SLC13A3: variants seen among roughly 807,000 people sequenced by gnomAD.
SLC13A3 encodes the protein solute carrier family 13 member 3.
SLC13A3 carries 40 observed loss-of-function variants against 59.0 expected under a neutral mutation model. The ratio of observed to expected loss-of-function variants is 0.68; its 90% CI spans 0.53 to 0.88. The LOEUF is 0.88. Ranked by LOEUF, SLC13A3 falls within the 40% of genes least tolerant of loss-of-function variation. The pLI, the probability that SLC13A3 is intolerant of heterozygous loss-of-function variation, is 0.00. For synonymous variants in SLC13A3, 317 were observed against 330.3 expected (o/e 0.96, Z 0.44); for missense variants, 699 against 783.2 (o/e 0.89, Z 1.28).
intron 11 of SLC13A3, among the ~76,000 whole-genome samples, chr20:46,564,863 T>C (rs913674083): frequency 6.6e-6 from 1 of 152,216 alleles, no homozygotes; most frequent in Non-Finnish European, 1.5e-5. Flanking sequence ...AACCAACAAC[T>C]GTCCATTTAT....
At chr20:46,583,503 C>T (rs1352967801) in intron 9 of SLC13A3, 69 bp downstream of exon 9, 1 of 1,584,556 alleles carries the variant, frequency 6.3e-7, no homozygotes, top group Non-Finnish European at 8.6e-7. Context: ...GGCTCCAGGC[C>T]CTTGATGACC....
chr20:46,590,413 T>G (rs1373276070), intron 6 of SLC13A3, among the ~76,000 whole-genome samples: 2 of 152,122 alleles, frequency 1.3e-5, no homozygotes, highest in African/African-American at 4.8e-5. Flanking sequence ...ATGTAGCTTC[T>G]ATTGTAGAAT....
At position 46,579,218 on chromosome 20, in the gene SLC13A3, C is replaced by A. The variant is rs115368456; in HGVS notation, c.1220-3533G>T. Among the ~76,000 whole-genome samples the A allele has an allele frequency of 6.9e-3, 1,053 of 152,204 alleles. 16 individuals are homozygous for A. Among genetic ancestry groups the A allele is most frequent in the African/African-American group, 0.024 (989 of 41,506 alleles). On this transcript the variant is annotated intron_variant, in intron 9 of 12. Coordinates refer to ENST00000279027, the MANE Select transcript of SLC13A3 (RefSeq NM_022829.6). ...GTGGCAACATCACAGCTCACTGCAA[C>A]CTTGAACTCCTCAATCTTCCTGCCT...
At chr20:46,585,465 TAAAA>T in intron 8 of SLC13A3, 3 of 995,348 alleles carry the variant, frequency 3.0e-6, no homozygotes, top group Non-Finnish European at 3.6e-6. Context: ...ACATTTCTGT[TAAAA>T]AAATCTTCTT....
intron 1 of SLC13A3, among the ~76,000 whole-genome samples, chr20:46,623,445 G>A (rs111393166): frequency 0.012 from 1,754 of 152,138 alleles, 41 homozygotes; most frequent in African/African-American, 0.04. Context: ...TGCCCAGGCT[G>A]GTCTTGAATT....
At chr20:46,582,997 T>C (rs2062153489) in intron 9 of SLC13A3, 1 of 986,054 alleles carries the variant, frequency 1.0e-6, no homozygotes, top group South Asian at 4.7e-5. Flanking sequence ...CAACACTTCC[T>C]ATACGGTTGA....
intron 4 of SLC13A3, among the ~76,000 whole-genome samples, chr20:46,596,934 T>G (rs1412222303): frequency 1.3e-5 from 2 of 152,132 alleles, no homozygotes; most frequent in Non-Finnish European, 2.9e-5. Context: ...GCACCTATAG[T>G]CCCAGCTACT....
intron 1 of SLC13A3, among the ~76,000 whole-genome samples, chr20:46,632,873 A>ATAGG (rs1426649689): frequency 1.3e-4 from 1 of 7,616 alleles, no homozygotes; most frequent in Non-Finnish European, 2.6e-4. Flanking sequence ...CAATAGATAG[A>ATAGG]TAGATAGATA....
At chr20:46,632,981 A>G (rs1052430443) in intron 1 of SLC13A3, among the ~76,000 whole-genome samples, 1 of 151,344 alleles carries the variant, frequency 6.6e-6, no homozygotes, top group African/African-American at 2.4e-5. Context: ...TTATGTATCT[A>G]TCATCTATCT....
chr20:46,592,223 G>GCATACATA lies in SLC13A3; in HGVS notation c.920+173_920+180dup, dbSNP rs11469301. On this transcript the variant is annotated intron_variant, in intron 6 of 12. Coordinates refer to ENST00000279027, the MANE Select transcript of SLC13A3 (RefSeq NM_022829.6). ...CAAGACCCTGTCTGTAAAACTAAAT[G>GCATACATA]CATACATACATACATACATACATAC... Among the ~76,000 whole-genome samples, 689 of 151,100 alleles carry GCATACATA rather than the reference G, an allele frequency of 4.6e-3. 14 individuals are homozygous for GCATACATA. The highest frequency in any genetic ancestry group is 0.021 in the Admixed American group (323 of 15,154).
intron 3 of SLC13A3, among the ~76,000 whole-genome samples, chr20:46,600,294 A>AGGAAAGGGAGG (rs749015972): frequency 1.1e-5 from 1 of 88,390 alleles, no homozygotes; most frequent in African/African-American, 7.1e-5. Context: ...AGGGAGGGAA[A>AGGAAAGGGAGG]GAAAGAAAGA....
At chr20:46,569,565 G>T (rs1361643281) in intron 10 of SLC13A3, among the ~76,000 whole-genome samples, 1 of 152,184 alleles carries the variant, frequency 6.6e-6, no homozygotes, top group Non-Finnish European at 1.5e-5. Context: ...GTCCCAGAAG[G>T]TTATTGTTGG....
At chr20:46,634,609 C>A (rs2062777621) in intron 1 of SLC13A3, among the ~76,000 whole-genome samples, 1 of 152,006 alleles carries the variant, frequency 6.6e-6, no homozygotes, top group Non-Finnish European at 1.5e-5. Flanking sequence ...GTTCTTGGAG[C>A]CATTCATTAA....
At chr20:46,570,654 C>A (rs1185920844) in intron 10 of SLC13A3, among the ~76,000 whole-genome samples, 1 of 152,158 alleles carries the variant, frequency 6.6e-6, no homozygotes, top group Non-Finnish European at 1.5e-5. Flanking sequence ...TCTAAGTACC[C>A]TTTCTATTGA....
Position 46,628,514 on chromosome 20 carries a change from G to A in SLC13A3, c.112-14789C>T, listed in dbSNP as rs528190071. ...TGGAGAAGACAGGTGCCACAGGGAA[G>A]GAGGCTAGTCCTAATGATCAAGGCT... On this transcript the variant is annotated intron_variant, in intron 1 of 12. Coordinates refer to ENST00000279027, the MANE Select transcript of SLC13A3 (RefSeq NM_022829.6). Among the ~76,000 whole-genome samples, 4 of 152,308 alleles carry A rather than the reference G, an allele frequency of 2.6e-5. No homozygotes were observed. In the South Asian group the frequency reaches 8.3e-4, roughly 32 times the overall value.
intron 1 of SLC13A3, among the ~76,000 whole-genome samples, chr20:46,617,394 G>C (rs1190277134): frequency 1.3e-5 from 2 of 152,028 alleles, no homozygotes; most frequent in Non-Finnish European, 2.9e-5. Context: ...GAGGCTTAGG[G>C]AAGATGATTG....
chr20:46,679,120 C>T (rs1231910582), intron 1 of SLC13A3, among the ~76,000 whole-genome samples: 4 of 152,196 alleles, frequency 2.6e-5, no homozygotes, highest in African/African-American at 7.2e-5. Context: ...TATAAATTAC[C>T]CAGCCTCAGG....
At chr20:46,630,218 G>T (rs1021323479) in intron 1 of SLC13A3, among the ~76,000 whole-genome samples, 2 of 152,230 alleles carry the variant, frequency 1.3e-5, no homozygotes, top group Non-Finnish European at 2.9e-5. Context: ...CTGACAGAGA[G>T]AGAAAACTAG....
At chr20:46,654,555 GT>G (rs1328379368), upstream of SLC13A3, among the ~76,000 whole-genome samples, 2 of 151,962 alleles carry the variant, frequency 1.3e-5, no homozygotes, top group Non-Finnish European at 2.9e-5. Flanking sequence ...TTGACATGGA[GT>G]TTTGCTCTTG....
Sources: gnomAD v4.1 joint callset for allele counts (sites outside exome capture counted in the v4.1 genomes callset) on GRCh38, gnomAD v4.1.1 for gene constraint, MANE v1.5 for transcripts, NCBI Gene and HGNC (gene_info 2026-07-23, HGNC 2026-07-21) for gene names.